The following OSMR variants were observed in gnomAD, a reference collection of about 807,000 sequenced individuals.
OSMR encodes oncostatin M receptor.
In OSMR, 81 loss-of-function variants were observed where a neutral mutation model predicts 99.9. The ratio of observed to expected loss-of-function variants is 0.81; its 90% confidence interval spans 0.68 to 0.97. OSMR has a LOEUF of 0.97. Among genes scored for constraint, OSMR ranks in the 50% least tolerant of loss-of-function variants. OSMR has a pLI of 0.00. For missense variants in OSMR, 1,099 were observed against 1,153.4 expected (o/e 0.95, Z 0.68); for synonymous variants, 406 against 410.4 (o/e 0.99, Z 0.13).
chr5:38,906,997 C>T (rs1324419991), intron 9 of OSMR, among the ~76,000 whole-genome samples: 2 of 152,126 alleles, frequency 1.3e-5, no homozygotes, highest in Non-Finnish European at 2.9e-5. Context: ...TTTTTTAAAC[C>T]ATTTTAGTAT....
Position 38,933,463 on chromosome 5 carries a change from AC to A in OSMR, c.*21del, listed in dbSNP as rs1746879425. The A allele has an allele frequency of 6.2e-7, 1 of 1,613,656 alleles. No homozygotes were observed. Among genetic ancestry groups the A allele is most frequent in the Admixed American group, 1.7e-5 (1 of 60,018 alleles). Reference sequence around the variant, plus strand: ...CTGCTAACCAGCATGCCGATTTCATACCTTATGCTACACAGACATTAAGAAG... The same window carrying A: ...CTGCTAACCAGCATGCCGATTTCATACTTATGCTACACAGACATTAAGAAG... On this transcript the variant is annotated 3_prime_UTR_variant, in exon 18 of 18. Coordinates refer to ENST00000274276, the MANE Select transcript of OSMR (RefSeq NM_003999.3).
downstream of OSMR, chr5:38,939,427 A>G: frequency 4.3e-6 from 1 of 232,384 alleles, no homozygotes. Flanking sequence ...TCGTTATTAG[A>G]AAAAATTTAA....
At chr5:38,914,901 G>A (rs1189697210) in intron 9 of OSMR, among the ~76,000 whole-genome samples, 1 of 152,196 alleles carries the variant, frequency 6.6e-6, no homozygotes, top group Non-Finnish European at 1.5e-5. Flanking sequence ...CTGTTTGGGT[G>A]ATGGGATCAT....
chr5:38,919,215 A>C, intron 11 of OSMR, 153 bp downstream of exon 11: 1 of 1,533,696 alleles, frequency 6.5e-7, no homozygotes, highest in Non-Finnish European at 8.8e-7. Flanking sequence ...AGGTGTGTCA[A>C]CGTGTTTCAG....
chr5:38,903,037 G>A (rs968193614), intron 7 of OSMR, among the ~76,000 whole-genome samples: 1 of 152,022 alleles, frequency 6.6e-6, no homozygotes, highest in Non-Finnish European at 1.5e-5. Context: ...TGTGGGCCAG[G>A]TATGAGATAG....
chr5:38,925,405 G>T, intron 15 of OSMR, 34 bp downstream of exon 15: 2 of 1,570,294 alleles, frequency 1.3e-6, no homozygotes, highest in Non-Finnish European at 1.8e-6. Context: ...CTTCCCTTAG[G>T]AGTTTCTGGG....
intron 7 of OSMR, among the ~76,000 whole-genome samples, chr5:38,895,532 T>C (rs1744449670): frequency 1.3e-5 from 2 of 152,128 alleles, no homozygotes; most frequent in Non-Finnish European, 2.9e-5. Flanking sequence ...TTATATATTC[T>C]GGTTACTTAA....
In OSMR at chr5:38,904,597, G is replaced by GA. The variant is rs1745112560; in HGVS notation, c.1285+99dup. The GA allele has an allele frequency of 2.7e-6, 4 of 1,489,150 alleles. No homozygotes were observed. In the South Asian group the frequency reaches 3.5e-5, roughly 13 times the overall value. The allele number at this position is 1,489,150 out of a possible 1,614,324, so 92.2% of individuals were successfully genotyped here. ...ATTTTGGTTGTACCAAAAACTAAGAGAAAAATATTTAAACAGAGGCGGGGT... is the reference window on the plus strand; with the variant it reads ...ATTTTGGTTGTACCAAAAACTAAGAGAAAAAATATTTAAACAGAGGCGGGGT... On this transcript the variant is annotated intron_variant, in intron 9 of 17. Transcript: ENST00000274276.
intron 7 of OSMR, among the ~76,000 whole-genome samples, chr5:38,888,103 C>A (rs1384464272): frequency 1.3e-5 from 2 of 152,098 alleles, no homozygotes; most frequent in Admixed American, 1.3e-4. Context: ...AAAGAGAAAA[C>A]CCCATGTGCA....
intron 11 of OSMR, 148 bp from the exon 12 acceptor site, chr5:38,921,467 T>G (rs895973915): frequency 6.7e-7 from 1 of 1,492,432 alleles, no homozygotes; most frequent in Admixed American, 2.1e-5. Context: ...CATGAAAACA[T>G]CCCCCACCCA....
intron 9 of OSMR, among the ~76,000 whole-genome samples, chr5:38,906,615 T>C (rs1286916969): frequency 6.6e-6 from 1 of 152,242 alleles, no homozygotes; most frequent in Non-Finnish European, 1.5e-5. Flanking sequence ...AAATTTAATA[T>C]TGGCTTCTCC....
intron 11 of OSMR, 96 bp downstream of exon 11, chr5:38,919,158 A>C: frequency 6.4e-7 from 1 of 1,553,406 alleles, no homozygotes; most frequent in Non-Finnish European, 8.7e-7. Flanking sequence ...ACAATAACTT[A>C]GGAAGACAAA....
At chr5:38,937,094 G>A (rs1051033585), downstream of OSMR, among the ~76,000 whole-genome samples, 1 of 152,224 alleles carries the variant, frequency 6.6e-6, no homozygotes, top group African/African-American at 2.4e-5. This position sits in a 1 kb window ranked among gnomAD's most constrained non-coding sequence, Gnocchi z 4.0. Context: ...GAGTGCAGTG[G>A]CACGATCTTG....
chr5:38,938,991 C>A (rs967351173), downstream of OSMR: 1 of 232,842 alleles, frequency 4.3e-6, no homozygotes, highest in African/African-American at 2.2e-5. Context: ...GGAGAAAAAA[C>A]CTTACTTCCA....
rs181723365 is a variant in OSMR at position 38,885,725 on chromosome 5, C to T, written c.839+241C>T. Among the ~76,000 whole-genome samples the T allele has an allele frequency of 3.9e-5, 6 of 152,292 alleles. No individual in the cohort carries two copies. In the East Asian group the frequency reaches 5.8e-4, roughly 15 times the overall value. On this transcript the variant is annotated intron_variant, in intron 6 of 17. Coordinates refer to ENST00000274276, the MANE Select transcript of OSMR (RefSeq NM_003999.3). ...GAAAGACAGTTAATGTATACCTTGA[C>T]GTGAAAATAGTCCTGTCTGATAATC...
intron 9 of OSMR, among the ~76,000 whole-genome samples, chr5:38,909,682 G>A (rs1002636150): frequency 8.5e-5 from 13 of 152,084 alleles, no homozygotes; most frequent in Admixed American, 5.2e-4. Context: ...AAATGCTAAC[G>A]GAATTCACTA....
chr5:38,904,796 A>G (rs1047570683), intron 9 of OSMR, among the ~76,000 whole-genome samples: 2 of 152,222 alleles, frequency 1.3e-5, no homozygotes, highest in African/African-American at 4.8e-5. Flanking sequence ...CTGGAGCTAT[A>G]TAAATTAGTA....
chr5:38,937,323 G>A (rs1384382263), downstream of OSMR, among the ~76,000 whole-genome samples: 2 of 152,126 alleles, frequency 1.3e-5, no homozygotes, highest in South Asian at 2.1e-4. The surrounding 1 kb of genome is among the most constrained non-coding windows in gnomAD (Gnocchi z 4.0). Flanking sequence ...GTGAGCCACC[G>A]CGCCCGGCCA....
intron 14 of OSMR, 91 bp downstream of exon 14, chr5:38,924,686 C>A: frequency 8.8e-7 from 1 of 1,136,794 alleles, no homozygotes; most frequent in Non-Finnish European, 1.3e-6. Context: ...CAGACTGTGG[C>A]CAGGCTGAAT....
Sources: allele counts gnomAD v4.1 joint callset (sites outside exome capture counted in the v4.1 genomes callset), GRCh38; gene constraint gnomAD v4.1.1; non-coding constraint Gnocchi (gnomAD v3.1); transcripts MANE v1.5; gene names NCBI Gene and HGNC (gene_info 2026-07-23, HGNC 2026-07-21).